The following CTNNA2 variants were observed in gnomAD, a reference collection of about 807,000 sequenced individuals.
CTNNA2 encodes the protein catenin alpha 2, also known as catenin alpha-2.
A neutral mutation model predicts 101.0 loss-of-function variants in CTNNA2; 42 were observed. That is an observed-to-expected ratio of 0.42 (90% CI 0.32 to 0.54). CTNNA2 has a LOEUF of 0.54. Ranked by LOEUF, CTNNA2 falls within the 20% of genes least tolerant of loss-of-function variation. The pLI is 0.14. For missense variants in CTNNA2, 871 were observed against 1,223.1 expected (o/e 0.71, Z 4.29); for synonymous variants, 450 against 456.4 (o/e 0.99, Z 0.18).
intron 17 of CTNNA2, among the ~76,000 whole-genome samples, chr2:80,617,293 A>G (rs1360892508): frequency 9.4e-6 from 1 of 106,426 alleles, no homozygotes; most frequent in African/African-American, 3.9e-5. Context: ...AAACCAAATG[A>G]GATTGTTATA....
chr2:79,960,524 T>C (rs1409316579), intron 7 of CTNNA2, among the ~76,000 whole-genome samples: 14 of 152,226 alleles, frequency 9.2e-5, no homozygotes, highest in Admixed American at 9.2e-4. Flanking sequence ...CATTAGCTAC[T>C]TCTTGATAGT....
chr2:79,503,986 C>T (rs1450423156), intron 4 of CTNNA2, among the ~76,000 whole-genome samples: 1 of 152,092 alleles, frequency 6.6e-6, no homozygotes, highest in African/African-American at 2.4e-5. Flanking sequence ...TCCTGAAGCG[C>T]TCTAAAGTTC....
At chr2:79,663,677 G>A (rs10204390) in intron 2 of CTNNA2, among the ~76,000 whole-genome samples, 31,936 of 151,716 alleles carry the variant, frequency 0.21, 3,715 homozygotes, top group Admixed American at 0.26. Context: ...CCTTTTATAT[G>A]TTCTCTGTGT....
intron 4 of CTNNA2, among the ~76,000 whole-genome samples, chr2:79,417,397 C>A (rs1678495721): frequency 6.6e-6 from 1 of 152,022 alleles, no homozygotes; most frequent in Non-Finnish European, 1.5e-5. Context: ...AAGATTGGAG[C>A]TTTATATTGT....
At chr2:80,391,433 G>A (rs568491889) in intron 7 of CTNNA2, among the ~76,000 whole-genome samples, 41 of 152,172 alleles carry the variant, frequency 2.7e-4, no homozygotes, top group African/African-American at 9.9e-4. Flanking sequence ...TTTAGTAATC[G>A]ATCCTCCATC....
intron 7 of CTNNA2, among the ~76,000 whole-genome samples, chr2:79,913,398 G>A (rs1382693655): frequency 1.3e-5 from 2 of 152,172 alleles, no homozygotes; most frequent in African/African-American, 4.8e-5. Flanking sequence ...TGTGAGTAGA[G>A]GGGTAGCAGG....
rs1573650974 is a variant in CTNNA2 at position 80,303,871 on chromosome 2, T to C, written c.1057-89340T>C. ...GAGAATGTCCATTGGAAGCGCTCGGTCAGAAATCTACATCATATTTTATTC... is the reference window on the plus strand; with the variant it reads ...GAGAATGTCCATTGGAAGCGCTCGGCCAGAAATCTACATCATATTTTATTC... On this transcript the variant is annotated intron_variant, in intron 7 of 18. Coordinates refer to ENST00000402739, the MANE Select transcript of CTNNA2 (RefSeq NM_001282597.3). This position sits in a 1 kb window ranked among gnomAD's most constrained non-coding sequence, Gnocchi z 7.7. The C allele has an allele frequency of 6.8e-7, 1 of 1,466,104 alleles. No homozygotes were observed. The highest frequency in any genetic ancestry group is 9.0e-7 in the Non-Finnish European group (1 of 1,106,976). 90.8% of individuals were successfully genotyped at this position (1,466,104 alleles called of 1,614,324 possible).
intron 3 of CTNNA2, among the ~76,000 whole-genome samples, chr2:79,843,530 G>A (rs950721971): frequency 1.3e-5 from 2 of 152,104 alleles, no homozygotes; most frequent in Non-Finnish European, 2.9e-5. Flanking sequence ...CTTCCTTCAC[G>A]GCCCTAAATA....
chr2:79,768,430 A>G (rs1007151668), intron 3 of CTNNA2, among the ~76,000 whole-genome samples: 2 of 151,220 alleles, frequency 1.3e-5, no homozygotes, highest in Non-Finnish European at 2.9e-5. Flanking sequence ...GTTCCTTTGA[A>G]GATGTTTTCT....
chr2:80,497,215 C>G (rs1382298152), intron 9 of CTNNA2, among the ~76,000 whole-genome samples: 5 of 152,082 alleles, frequency 3.3e-5, no homozygotes, highest in African/African-American at 1.2e-4. Flanking sequence ...GCAGGAATGC[C>G]AAACCACAGT....
Position 79,835,198 on chromosome 2 carries a change from T to C in CTNNA2, c.299-22815T>C, listed in dbSNP as rs555578810. Among the ~76,000 whole-genome samples, 6 of 152,306 alleles carry C rather than the reference T, an allele frequency of 3.9e-5. No individual in the cohort carries two copies. The East Asian group carries it at 1.2e-3, about 29-fold the overall frequency. On this transcript the variant is annotated intron_variant, in intron 3 of 18. Transcript: ENST00000402739. Reference sequence around the variant, plus strand: ...GAGTATCATCACCTAAAGAGCTTTTTAGTATTCGCCTTAAAATCTGAACAG... The same window carrying C: ...GAGTATCATCACCTAAAGAGCTTTTCAGTATTCGCCTTAAAATCTGAACAG...
At chr2:80,382,379 A>T (rs780420641) in intron 7 of CTNNA2, among the ~76,000 whole-genome samples, 3 of 152,078 alleles carry the variant, frequency 2.0e-5, no homozygotes, top group Non-Finnish European at 4.4e-5. Context: ...AAAAATGCTC[A>T]TGACAAGTTT....
At chr2:80,209,598 C>G (rs990613013) in intron 7 of CTNNA2, among the ~76,000 whole-genome samples, 1 of 151,676 alleles carries the variant, frequency 6.6e-6, no homozygotes, top group Admixed American at 6.6e-5. Flanking sequence ...TTCTCATACA[C>G]ACAGACACAC....
chr2:79,413,879 A>G (rs1678446270), intron 4 of CTNNA2, among the ~76,000 whole-genome samples: 1 of 146,226 alleles, frequency 6.8e-6, no homozygotes, highest in African/African-American at 2.5e-5. Context: ...AGAAATCTCT[A>G]TTGAAGTTCC....
intron 3 of CTNNA2, among the ~76,000 whole-genome samples, chr2:79,843,453 G>A (rs189070306): frequency 2.0e-3 from 298 of 152,296 alleles, no homozygotes; most frequent in African/African-American, 6.9e-3. Flanking sequence ...GGTGGCCTCC[G>A]TGAGGGCATG....
intron 4 of CTNNA2, among the ~76,000 whole-genome samples, chr2:79,405,602 A>G (rs1388705642): frequency 6.6e-6 from 1 of 152,086 alleles, no homozygotes. Flanking sequence ...CTGGGATTAC[A>G]GGTCCTAGCC....
intron 7 of CTNNA2, among the ~76,000 whole-genome samples, chr2:80,361,934 TC>T (rs1382147741): frequency 6.6e-6 from 1 of 152,074 alleles, no homozygotes; most frequent in African/African-American, 2.4e-5. Flanking sequence ...ATGCAACCCA[TC>T]CCATACATGT....
chr2:79,326,881 T>A (rs369344341), intron 3 of CTNNA2, among the ~76,000 whole-genome samples: 8 of 152,248 alleles, frequency 5.3e-5, no homozygotes, highest in African/African-American at 1.9e-4. Flanking sequence ...ACAGGCATAA[T>A]CAATTGAGGG....
intron 3 of CTNNA2, among the ~76,000 whole-genome samples, chr2:79,757,482 C>G (rs1046892700): frequency 3.3e-5 from 5 of 152,066 alleles, no homozygotes; most frequent in Admixed American, 3.3e-4. Context: ...ACTTACCAGT[C>G]TAAGTAAAAC....
Sources: gnomAD v4.1 joint callset for allele counts (sites outside exome capture counted in the v4.1 genomes callset) on GRCh38, gnomAD v4.1.1 for gene constraint, Gnocchi (gnomAD v3.1) non-coding constraint, MANE v1.5 for transcripts, NCBI Gene and HGNC (gene_info 2026-07-23, HGNC 2026-07-21) for gene names.